SYNE1: variants seen among roughly 807,000 people sequenced by gnomAD.
The protein encoded by SYNE1 is nesprin-1.
In SYNE1, 616 loss-of-function variants were observed where a neutral mutation model predicts 1,111.0. The ratio of observed to expected loss-of-function variants is 0.55; its 90% CI spans 0.52 to 0.59. The LOEUF (loss-of-function observed/expected upper bound fraction) is 0.59. Ranked by LOEUF, SYNE1 falls within the 20% of genes least tolerant of loss-of-function variation. The pLI is 0.00. For synonymous variants in SYNE1, 3,855 were observed against 3,825.8 expected, an observed-to-expected ratio of 1.01 and a Z score of -0.28; for missense variants, 10,006 against 10,417.0, an observed-to-expected ratio of 0.96 and a Z score of 1.72.
Position 152,141,278 on chromosome 6 carries a change from C to T in SYNE1, c.25171G>A (p.Glu8391Lys), listed in dbSNP as rs776109498. ...TCCTCTTCCTCCTTCAGTTTGTGCT[C>T]CAGTCTCTTCACGGAGTCTATACTG... ...SSSIDSVKRL[E>K]HKLKEEEESL... is the part of the protein sequence containing the mutation. Residue 8391 changes from glutamate to lysine, a missense_variant, in exon 139 of 146, where the codon GAG becomes AAG. Coordinates refer to ENST00000367255, the MANE Select transcript of SYNE1 (RefSeq NM_182961.4). 2 of 1,614,170 alleles carry T rather than the reference C, an allele frequency of 1.2e-6. No homozygotes were observed. The highest frequency in any genetic ancestry group is 2.2e-5 in the South Asian group (2 of 91,080).
chr6:152,373,677 CTACTT>C (rs56156128), intron 58 of SYNE1, among the ~76,000 whole-genome samples: 76,063 of 151,712 alleles, frequency 0.5, 19,162 homozygotes, highest in Non-Finnish European at 0.54. Flanking sequence ...AAGTTGCAAA[CTACTT>C]TATTTACCAA....
Position 152,309,967 on chromosome 6 carries a change from C to A in SYNE1, c.17070G>T (p.Gln5690His). 6.2e-7 allele frequency: 1 copy of A among 1,614,170 alleles called. No individual in the cohort carries two copies. The highest frequency in any genetic ancestry group is 8.5e-7 in the Non-Finnish European group (1 of 1,180,036). ...ESLKPKVQAVQLCQSALRIPE... is the reference protein window; with the variant it reads ...ESLKPKVQAVHLCQSALRIPE... ...GGATCCGGAGGGCACTCTGGCAGAG[C>A]TGCACTGCTTGCACCTTCGGCTTCA... The change falls in exon 90 of 146, where the codon CAG (glutamine) becomes CAT (histidine). Residue 5690 changes from glutamine (Q) to histidine (H), a missense_variant. Physicochemically the swap from Gln to His is conservative, Grantham distance 24 (BLOSUM62 0). Transcript: ENST00000367255.
At chr6:152,434,173 G>A in intron 33 of SYNE1, 1 of 544,244 alleles carries the variant, frequency 1.8e-6, no homozygotes, top group Non-Finnish European at 3.3e-6. Flanking sequence ...TACACTTTGA[G>A]TGAAACTGCA....
intron 4 of SYNE1, 42 bp from the exon 5 acceptor site, chr6:152,526,217 CCT>C (rs2099162917): frequency 6.4e-6 from 10 of 1,570,176 alleles, no homozygotes; most frequent in Non-Finnish European, 8.8e-6. Context: ...ATATCTCTTC[CCT>C]CTCTGTTTCT....
chr6:152,502,549 T>G, intron 10 of SYNE1, 84 bp downstream of exon 10: 1 of 1,060,984 alleles, frequency 9.4e-7, no homozygotes, highest in Non-Finnish European at 1.5e-6. Context: ...CATTCAAATT[T>G]AATTTTTTGA....
chr6:152,369,084 C>T lies in SYNE1; in HGVS notation c.9695G>A (p.Arg3232Lys), dbSNP rs776536357. The change falls in exon 61 of 146, where the codon AGG becomes AAG. Residue 3232 changes from arginine (R) to lysine (K), a missense_variant. Transcript: ENST00000367255. The part of the protein sequence containing the change: ...EIHCYEPQLN[R>K]LKEKAQQLWE... ...CAGCTGCTGAGCTTTCTCTTTCAGC[C>T]TGTTGAGCTGAGGCTCGTAGCAGTG... The T allele has an allele frequency of 6.2e-7, 1 of 1,614,128 alleles. No individual in the cohort carries two copies.
At position 152,347,086 on chromosome 6, in the gene SYNE1, G is replaced by A. The variant is rs1246603932; in HGVS notation, c.12051C>T (p.Tyr4017=). 20 of 1,614,204 alleles carry A rather than the reference G, an allele frequency of 1.2e-5. No individual in the cohort carries two copies. Among genetic ancestry groups the A allele is most frequent in the Non-Finnish European group, 1.7e-5 (20 of 1,180,040 alleles). The change falls in exon 73 of 146, where the codon TAC becomes TAT. Residue 4017 remains tyrosine, a synonymous_variant. Transcript: ENST00000367255. The stretch of plus-strand genomic sequence containing the variant: ...TCTGAGCTGTGCTGCAGATCGCTGA[G>A]TAGCTGTCCTTTGTGCCCTGCAGAT... ...HAHLQGTKDS[Y]SAICSTAQRM...
At chr6:152,308,257 G>T (rs2095439614) in intron 91 of SYNE1, among the ~76,000 whole-genome samples, 1 of 152,138 alleles carries the variant, frequency 6.6e-6, no homozygotes, top group Non-Finnish European at 1.5e-5. Context: ...GGTCCCAAAG[G>T]ATATAATACG....
chr6:152,391,246 G>A (rs767662383), intron 52 of SYNE1, 31 bp downstream of exon 52: 62 of 1,613,120 alleles, frequency 3.8e-5, no homozygotes, highest in Non-Finnish European at 4.8e-5. Context: ...GCATTCAGCA[G>A]TTGTCAGTGT....
rs745373507 is a variant in SYNE1, at chr6:152,390,495, CCTT to C, written c.8005-46_8005-44del. The C allele has an allele frequency of 6.3e-6, 10 of 1,599,166 alleles. No homozygotes were observed. The East Asian group carries it at 6.7e-5, about 11-fold the overall frequency. On this transcript the variant is annotated intron_variant, in intron 52 of 145. Transcript: ENST00000367255. Reference sequence around the variant, plus strand: ...ATACTCATCAGTAGGCATGTAAAAACCTTCTTCTATTTTAAAAAAATGGTAGTT... The same window carrying C: ...ATACTCATCAGTAGGCATGTAAAAACCTTCTATTTTAAAAAAATGGTAGTT...
chr6:152,196,247 T>TG (rs1429833546), intron 127 of SYNE1, among the ~76,000 whole-genome samples: 1 of 152,190 alleles, frequency 6.6e-6, no homozygotes, highest in East Asian at 1.9e-4. Context: ...TGAGTACCCC[T>TG]GGAGCCTCTT....
chr6:152,494,797 C>T (rs927804545), intron 11 of SYNE1, among the ~76,000 whole-genome samples: 14 of 152,304 alleles, frequency 9.2e-5, no homozygotes, highest in Non-Finnish European at 2.1e-4. Flanking sequence ...GAGTCCTTCA[C>T]TGCAAAGGCC....
intron 133 of SYNE1, among the ~76,000 whole-genome samples, chr6:152,154,024 G>A (rs761926290): frequency 2.6e-5 from 4 of 152,136 alleles, no homozygotes; most frequent in East Asian, 1.9e-4. Flanking sequence ...TAAACATCTC[G>A]AGGAACTTGG....
rs150141671 is a variant in SYNE1, at chr6:152,514,023, G to A, written c.310-2920C>T. On this transcript the variant is annotated intron_variant, in intron 6 of 145. Transcript: ENST00000367255. The stretch of plus-strand genomic sequence containing the variant: ...GGAGAAGTAGGAACGCATTTACACT[G>A]TTGGTGGGAGTGTAAATTAGTTCAA... 5.2e-3 allele frequency among the ~76,000 whole-genome samples: 798 copies of A among 152,326 alleles called. 8 individuals carry two copies. The highest frequency in any genetic ancestry group is 0.018 in the African/African-American group (744 of 41,574).
At chr6:152,580,303 C>T (rs957804182) in intron 3 of SYNE1, among the ~76,000 whole-genome samples, 16 of 152,210 alleles carry the variant, frequency 1.1e-4, no homozygotes, top group Middle Eastern at 3.4e-3. Flanking sequence ...TGTCCACATG[C>T]GTGTCTTCTT....
At chr6:152,442,006 T>TAA in intron 31 of SYNE1, 69 bp downstream of exon 31, 1 of 1,585,920 alleles carries the variant, frequency 6.3e-7, no homozygotes, top group Non-Finnish European at 8.6e-7. Flanking sequence ...GCCTTGGTGT[T>TAA]ATGAGGCACA....
In SYNE1 at chr6:152,242,489, C is replaced by A. The variant is rs1451233108; in HGVS notation, c.19693-49G>T. 3 of 1,604,196 alleles carry A rather than the reference C, an allele frequency of 1.9e-6. No homozygotes were observed. The South Asian group carries it at 3.3e-5, about 18-fold the overall frequency. ...TCACTCTCAATTCATATTCTGGCAA[C>A]CCTCTAAAAGCATATGAACTATGAA... On this transcript the variant is annotated intron_variant, in intron 106 of 145. Transcript: ENST00000367255.
At chr6:152,582,608 A>C (rs1230929391) in intron 3 of SYNE1, among the ~76,000 whole-genome samples, 1 of 151,770 alleles carries the variant, frequency 6.6e-6, no homozygotes, top group Non-Finnish European at 1.5e-5. Context: ...TTTTAGATCC[A>C]TGGGGTACAT....
intron 133 of SYNE1, 44 bp from the exon 134 acceptor site, chr6:152,152,185 G>A: frequency 6.4e-7 from 1 of 1,572,214 alleles, no homozygotes. Context: ...ATCAGCGAAG[G>A]ACTCTCAGTA....
Sources: gnomAD v4.1 joint callset for allele counts (sites outside exome capture counted in the v4.1 genomes callset) on GRCh38, gnomAD v4.1.1 for gene constraint, MANE v1.5 for transcripts, NCBI Gene and HGNC (gene_info 2026-07-23, HGNC 2026-07-21) for gene names.